SVOPL: variants seen among roughly 807,000 people sequenced by gnomAD.
The protein encoded by SVOPL is putative transporter SVOPL.
SVOPL carries 60 observed loss-of-function variants against 61.0 expected under a neutral mutation model. That is an observed-to-expected ratio of 0.98 (90% CI 0.80 to 1.22). The LOEUF (loss-of-function observed/expected upper bound fraction) is 1.22. Among genes scored for constraint, SVOPL ranks in the 50% most tolerant of loss-of-function variants. SVOPL has a pLI of 0.00. For missense variants in SVOPL, 662 were observed against 643.9 expected, an observed-to-expected ratio of 1.03 and a Z score of -0.30; for synonymous variants, 279 against 250.0, an observed-to-expected ratio of 1.12 and a Z score of -1.09.
At chr7:138,682,511 A>T (rs1020179332) in intron 1 of SVOPL, among the ~76,000 whole-genome samples, 1 of 152,220 alleles carries the variant, frequency 6.6e-6, no homozygotes, top group Non-Finnish European at 1.5e-5. Context: ...AGAATGCTGG[A>T]AGCTGTATAA....
At chr7:138,658,790 C>T (rs1475031040) in intron 6 of SVOPL, among the ~76,000 whole-genome samples, 1 of 152,134 alleles carries the variant, frequency 6.6e-6, no homozygotes, top group Non-Finnish European at 1.5e-5. Flanking sequence ...CCAAACAAAG[C>T]TTAAACTGAG....
chr7:138,603,857 G>A (rs1307925795), intron 14 of SVOPL, among the ~76,000 whole-genome samples: 1 of 150,650 alleles, frequency 6.6e-6, no homozygotes, highest in Non-Finnish European at 1.5e-5. Flanking sequence ...CTTTCTCCTT[G>A]TGACAGACTC....
intron 8 of SVOPL, among the ~76,000 whole-genome samples, chr7:138,646,757 G>A (rs916692054): frequency 1.3e-5 from 2 of 152,212 alleles, no homozygotes; most frequent in East Asian, 1.9e-4. Context: ...GGGCTCAAGC[G>A]ATCCTCCTGC....
chr7:138,595,673 G>A (rs892171143), intron 15 of SVOPL, among the ~76,000 whole-genome samples: 2 of 152,088 alleles, frequency 1.3e-5, no homozygotes, highest in Non-Finnish European at 2.9e-5. Context: ...TGCTCGACTT[G>A]TGTCTTAGTT....
chr7:138,624,112 A>C (rs1209023067), intron 13 of SVOPL, among the ~76,000 whole-genome samples: 1 of 152,116 alleles, frequency 6.6e-6, no homozygotes, highest in Non-Finnish European at 1.5e-5. Context: ...GAGCCACTGC[A>C]CCCAGCCGAT....
intron 11 of SVOPL, 113 bp downstream of exon 11, chr7:138,628,045 T>C (rs935595426): frequency 2.4e-6 from 3 of 1,256,414 alleles, no homozygotes; most frequent in South Asian, 1.4e-5. Flanking sequence ...TGGCAACTTA[T>C]TCAGTTCTGC....
intron 6 of SVOPL, 119 bp from the exon 7 acceptor site, chr7:138,656,630 A>G (rs552571560): frequency 1.4e-5 from 14 of 1,026,794 alleles, no homozygotes; most frequent in Admixed American, 2.2e-5. Context: ...AGTTGATTAT[A>G]TATCAGAAGA....
intron 1 of SVOPL, among the ~76,000 whole-genome samples, chr7:138,697,467 GTGTGGTGGCACGTGCC>G (rs1803087114): frequency 6.6e-6 from 1 of 151,812 alleles, no homozygotes; most frequent in Non-Finnish European, 1.5e-5. Flanking sequence ...AATTAGCCCT[GTGTGGTGGCACGTGCC>G]TGTGGTCCCA....
chr7:138,688,725 C>G (rs1358948674), intron 1 of SVOPL, among the ~76,000 whole-genome samples: 1 of 152,134 alleles, frequency 6.6e-6, no homozygotes, highest in Non-Finnish European at 1.5e-5. Flanking sequence ...CTGTAGAAAA[C>G]AGTTTGTCAG....
chr7:138,691,176 T>C (rs1363326069), intron 1 of SVOPL, among the ~76,000 whole-genome samples: 1 of 152,172 alleles, frequency 6.6e-6, no homozygotes, highest in African/African-American at 2.4e-5. Context: ...GTAATGCAAA[T>C]CACAGCGGCA....
intron 7 of SVOPL, among the ~76,000 whole-genome samples, chr7:138,656,060 A>G (rs1801715734): frequency 2.6e-5 from 4 of 152,196 alleles, no homozygotes; most frequent in Admixed American, 2.6e-4. Context: ...AGGAATTGCC[A>G]CAGCCACCTC....
chr7:138,596,884 C>T (rs777658778), intron 14 of SVOPL: 1 of 1,089,650 alleles, frequency 9.2e-7, no homozygotes, highest in Non-Finnish European at 1.1e-6. Flanking sequence ...ACTTCTAACT[C>T]TCACTTCATG....
rs979219572 is a variant in SVOPL, at chr7:138,686,562, G to GTTTTTT, written c.-34-7489_-34-7484dup. Among the ~76,000 whole-genome samples, 4 of 66,956 alleles carry GTTTTTT rather than the reference G, an allele frequency of 6.0e-5. No homozygotes were observed. In the East Asian group the frequency reaches 2.0e-3, roughly 33 times the overall value. The allele number at this position is 66,956 out of a possible 152,430, so 43.9% of individuals were successfully genotyped here. A position where few individuals can be genotyped will look rare whatever the true frequency, so the allele number is the denominator to read the frequency against. ...GCCTAAGGAGTTTTTTGTTTTTTGG[G>GTTTTTT]TTTTTTTTTTTTTTTTTTTTGAGAC... is the stretch of plus-strand genomic sequence containing the variant. On this transcript the variant is annotated intron_variant, in intron 1 of 15. Transcript: ENST00000674285.
intron 7 of SVOPL, among the ~76,000 whole-genome samples, chr7:138,655,750 C>A (rs1272201623): frequency 1.3e-5 from 2 of 150,708 alleles, no homozygotes; most frequent in Admixed American, 6.7e-5. Flanking sequence ...TCATTTATTA[C>A]TGTAATATAT....
intron 14 of SVOPL, among the ~76,000 whole-genome samples, chr7:138,602,441 C>CTATATATATATATATATATATATATA (rs59400217): frequency 1.4e-5 from 2 of 140,688 alleles, no homozygotes; most frequent in Admixed American, 7.3e-5. Flanking sequence ...AAGGCAGTTG[C>CTATATATATATATATATATATATATA]TATATATATA....
chr7:138,628,230 G>T lies in SVOPL; in HGVS notation c.997C>A (p.Pro333Thr). The T allele has an allele frequency of 1.2e-6, 2 of 1,614,106 alleles. No individual in the cohort carries two copies. Among genetic ancestry groups the T allele is most frequent in the Non-Finnish European group, 1.7e-6 (2 of 1,180,034 alleles). Reference protein sequence around the residue: ...TGGDSGESQSPCYCHMFAPSD... With the variant: ...TGGDSGESQSTCYCHMFAPSD... Reference sequence around the variant, plus strand: ...GGTGCAAACATGTGGCAGTAGCAGGGGCTCTGGCTCTCCCCTGAGTCCCCC... The same window carrying T: ...GGTGCAAACATGTGGCAGTAGCAGGTGCTCTGGCTCTCCCCTGAGTCCCCC... Residue 333 changes from proline to threonine, a missense_variant, in exon 11 of 16, where the codon CCC becomes ACC. Physicochemically the swap from Pro to Thr is conservative, Grantham distance 38. Transcript: ENST00000674285.
intron 9 of SVOPL, among the ~76,000 whole-genome samples, chr7:138,636,294 A>G (rs1409416809): frequency 6.6e-6 from 1 of 152,190 alleles, no homozygotes; most frequent in African/African-American, 2.4e-5. Flanking sequence ...ATAGGAATAC[A>G]TTTTATAAGA....
intron 1 of SVOPL, among the ~76,000 whole-genome samples, chr7:138,700,335 C>CTTTTTTT (rs776461183): frequency 3.1e-4 from 31 of 99,764 alleles, no homozygotes; most frequent in Non-Finnish European, 4.1e-4. Flanking sequence ...TTCCGTATGT[C>CTTTTTTT]TTTTTTTTTT....
chr7:138,669,785 T>C (rs1456762298), intron 4 of SVOPL, among the ~76,000 whole-genome samples: 1 of 152,242 alleles, frequency 6.6e-6, no homozygotes, highest in Non-Finnish European at 1.5e-5. Flanking sequence ...ACTCTTGTGA[T>C]TCCTTCCTGC....
Sources: gnomAD v4.1 joint callset for allele counts (sites outside exome capture counted in the v4.1 genomes callset) on GRCh38, gnomAD v4.1.1 for gene constraint, MANE v1.5 for transcripts, NCBI Gene and HGNC (gene_info 2026-07-23, HGNC 2026-07-21) for gene names.